Variants in ANKS1A observed in about 807,000 individuals in gnomAD.
The protein encoded by ANKS1A is ankyrin repeat and SAM domain-containing protein 1A.
In ANKS1A, 55 loss-of-function variants were observed where a neutral mutation model predicts 120.3. The ratio of observed to expected loss-of-function variants is 0.46; its 90% CI spans 0.37 to 0.57. The LOEUF (loss-of-function observed/expected upper bound fraction) is 0.57, where lower values mean the gene tolerates loss of function less well. ANKS1A is among the 20% of genes least tolerant of loss of function. ANKS1A has a pLI of 0.00. For missense variants in ANKS1A, 1,123 were observed against 1,480.3 expected (o/e 0.76, Z 3.96); for synonymous variants, 590 against 604.7 (o/e 0.98, Z 0.36).
At chr6:34,930,461 T>G (rs1768925688) in intron 1 of ANKS1A, among the ~76,000 whole-genome samples, 1 of 152,128 alleles carries the variant, frequency 6.6e-6, no homozygotes, top group Non-Finnish European at 1.5e-5. Context: ...TGTTGCACAT[T>G]CCCTGTGTGT....
At chr6:34,924,245 T>C (rs1768593499) in intron 1 of ANKS1A, among the ~76,000 whole-genome samples, 1 of 152,118 alleles carries the variant, frequency 6.6e-6, no homozygotes, top group Non-Finnish European at 1.5e-5. Flanking sequence ...AGGTTTTCTT[T>C]CAACTATCTT....
chr6:35,009,307 G>A (rs1773620984), intron 10 of ANKS1A, among the ~76,000 whole-genome samples: 1 of 152,054 alleles, frequency 6.6e-6, no homozygotes, highest in Non-Finnish European at 1.5e-5. Flanking sequence ...AGAATTAACA[G>A]GACCATGGAA....
intron 13 of ANKS1A, among the ~76,000 whole-genome samples, chr6:35,077,117 A>G (rs1275666937): frequency 6.6e-6 from 1 of 152,154 alleles, no homozygotes; most frequent in Non-Finnish European, 1.5e-5. Flanking sequence ...TGTGTTGCTG[A>G]TGGTGTGGGG....
chr6:35,060,276 A>G lies in ANKS1A; in HGVS notation c.2184+23A>G, dbSNP rs769395904. 74 of 1,593,874 alleles carry G rather than the reference A, an allele frequency of 4.6e-5. No homozygotes were observed. The highest frequency in any genetic ancestry group is 5.9e-5 in the Non-Finnish European group (69 of 1,169,100). ...CTGGTAAGTGGCTGCAGGCCTCCTC[A>G]ATGGCAGGGTGCTGCTCAGTGGAAA... On this transcript the variant is annotated intron_variant, in intron 13 of 23. Transcript: ENST00000360359. The surrounding 1 kb of genome is among the most constrained non-coding windows in gnomAD (Gnocchi z 4.5).
intron 9 of ANKS1A, among the ~76,000 whole-genome samples, chr6:34,990,531 A>C (rs1290562925): frequency 6.6e-6 from 1 of 151,338 alleles, no homozygotes; most frequent in Non-Finnish European, 1.5e-5. Flanking sequence ...GCCTAATAAT[A>C]AGAATATTCA....
At chr6:34,993,850 C>T (rs1050523492) in intron 9 of ANKS1A, among the ~76,000 whole-genome samples, 5 of 152,130 alleles carry the variant, frequency 3.3e-5, no homozygotes, top group African/African-American at 4.8e-5. Context: ...CAAGTATTAG[C>T]CTCAGAAAAG....
intron 1 of ANKS1A, among the ~76,000 whole-genome samples, chr6:34,909,937 T>C (rs1767828577): frequency 6.6e-6 from 1 of 152,218 alleles, no homozygotes; most frequent in Admixed American, 6.5e-5. Flanking sequence ...TGCAGGTAAC[T>C]GCCTGGTATG....
At chr6:35,071,259 G>A (rs928469927) in intron 13 of ANKS1A, among the ~76,000 whole-genome samples, 5 of 152,136 alleles carry the variant, frequency 3.3e-5, no homozygotes, top group African/African-American at 1.2e-4. Context: ...TGAAATCAAA[G>A]GGAAGGGAAT....
chr6:34,953,780 A>T (rs1199432903), intron 1 of ANKS1A, among the ~76,000 whole-genome samples: 1 of 152,100 alleles, frequency 6.6e-6, no homozygotes, highest in Non-Finnish European at 1.5e-5. Context: ...CAAGACAGGC[A>T]CAGTGCCTGT....
Position 35,089,755 on chromosome 6 carries a change from G to A in ANKS1A, c.*1146G>A. On this transcript the variant is annotated 3_prime_UTR_variant, in exon 24 of 24. Coordinates refer to ENST00000360359, the MANE Select transcript of ANKS1A (RefSeq NM_015245.3). ...CTCGCTTTGTTTTTAAAAGTAACTT[G>A]GGTTGCATTCTTCCCTCTGGACTAG... is the stretch of plus-strand genomic sequence containing the variant. 1.0e-6 allele frequency: 1 copy of A among 998,004 alleles called. No homozygotes were observed. The highest frequency in any genetic ancestry group is 1.2e-6 in the Non-Finnish European group (1 of 837,802). 61.8% of individuals were successfully genotyped at this position (998,004 alleles called of 1,614,324 possible).
intron 1 of ANKS1A, among the ~76,000 whole-genome samples, chr6:34,942,925 C>T (rs1327210104): frequency 2.0e-5 from 3 of 150,248 alleles, no homozygotes; most frequent in African/African-American, 4.9e-5. Flanking sequence ...CTTTCCCCTT[C>T]CCTTCCCCCT....
chr6:34,959,665 T>C (rs1038945005), intron 1 of ANKS1A, among the ~76,000 whole-genome samples: 6 of 152,234 alleles, frequency 3.9e-5, no homozygotes, highest in Admixed American at 2.6e-4. Flanking sequence ...TGGGCCACTT[T>C]CTGTGCTTGA....
At chr6:35,002,119 C>T (rs546220578) in intron 10 of ANKS1A, among the ~76,000 whole-genome samples, 38 of 152,244 alleles carry the variant, frequency 2.5e-4, no homozygotes, top group South Asian at 1.9e-3. Context: ...TGAAAATCCC[C>T]GCATAACCAT....
In ANKS1A at chr6:35,091,183, C is replaced by T; in HGVS notation, c.*2574C>T. 1.0e-6 allele frequency: 1 copy of T among 985,792 alleles called. No homozygotes were observed. Among genetic ancestry groups the T allele is most frequent in the African/African-American group, 1.7e-5 (1 of 57,324 alleles). 61.1% of individuals were successfully genotyped at this position (985,792 alleles called of 1,614,324 possible). ...GTATTTTGATACTTGAATGACTTTC[C>T]CTTTTGTTTTACTGTATATAAAATT... On this transcript the variant is annotated 3_prime_UTR_variant, in exon 24 of 24. Coordinates refer to ENST00000360359, the MANE Select transcript of ANKS1A (RefSeq NM_015245.3).
intron 1 of ANKS1A, among the ~76,000 whole-genome samples, chr6:34,926,988 CTG>C (rs1768748997): frequency 6.6e-6 from 1 of 152,148 alleles, no homozygotes; most frequent in Non-Finnish European, 1.5e-5. Flanking sequence ...GGATTTCCTG[CTG>C]TGTGACCTTG....
At chr6:35,061,562 G>A (rs148299224) in intron 13 of ANKS1A, among the ~76,000 whole-genome samples, 71 of 152,274 alleles carry the variant, frequency 4.7e-4, no homozygotes, top group African/African-American at 1.6e-3. Context: ...GCTGGCCTGA[G>A]GCTTCCAGGA....
intron 3 of ANKS1A, among the ~76,000 whole-genome samples, chr6:34,972,170 T>G (rs1771216411): frequency 6.6e-6 from 1 of 152,194 alleles, no homozygotes; most frequent in African/African-American, 2.4e-5. Flanking sequence ...CTTGGATTTT[T>G]GAGCTACTTG....
intron 13 of ANKS1A, among the ~76,000 whole-genome samples, chr6:35,074,597 C>T (rs1224094493): frequency 6.6e-6 from 1 of 152,200 alleles, no homozygotes; most frequent in Non-Finnish European, 1.5e-5. Flanking sequence ...AGGCGGCTGC[C>T]TCTCTCTGCC....
intron 10 of ANKS1A, among the ~76,000 whole-genome samples, chr6:34,999,471 C>T (rs1030976234): frequency 2.6e-5 from 4 of 152,074 alleles, no homozygotes; most frequent in African/African-American, 9.7e-5. Flanking sequence ...GTGGTGTGAG[C>T]GTGGTGTTTT....
Sources: gnomAD v4.1 joint callset for allele counts (sites outside exome capture counted in the v4.1 genomes callset) on GRCh38, gnomAD v4.1.1 for gene constraint, Gnocchi (gnomAD v3.1) non-coding constraint, MANE v1.5 for transcripts, NCBI Gene and HGNC (gene_info 2026-07-23, HGNC 2026-07-21) for gene names.